Variants in LRRC4C observed in about 807,000 individuals in gnomAD.
The protein encoded by LRRC4C is leucine rich repeat containing 4C.
LRRC4C carries 5 observed loss-of-function variants against 33.6 expected under a neutral mutation model. The ratio of observed to expected loss-of-function variants is 0.15; its 90% CI spans 0.08 to 0.31. The LOEUF is 0.31. LRRC4C is among the 10% of genes least tolerant of loss of function. The probability of loss-of-function intolerance (pLI) is 1.00; values close to 1 mark genes in which losing one functional copy is unlikely to be tolerated. For synonymous variants in LRRC4C, 329 were observed against 302.0 expected, an observed-to-expected ratio of 1.09 and a Z score of -0.93; for missense variants, 560 against 796.7, an observed-to-expected ratio of 0.70 and a Z score of 3.58.
intron 2 of LRRC4C, among the ~76,000 whole-genome samples, chr11:40,798,004 G>A (rs908376013): frequency 2.0e-5 from 3 of 152,116 alleles, no homozygotes; most frequent in East Asian, 1.9e-4. Context: ...GCCAAAAATC[G>A]CAACTAGAGG....
chr11:41,056,884 G>T (rs971173471), intron 1 of LRRC4C, among the ~76,000 whole-genome samples: 1 of 152,258 alleles, frequency 6.6e-6, no homozygotes, highest in Admixed American at 6.5e-5. Flanking sequence ...GGCCAGGGCT[G>T]CTGCATGCTT....
chr11:40,460,721 A>T (rs916610111), intron 3 of LRRC4C, among the ~76,000 whole-genome samples: 1 of 152,170 alleles, frequency 6.6e-6, no homozygotes, highest in African/African-American at 2.4e-5. Flanking sequence ...TGCACCAGAC[A>T]AGATGCTCCA....
At chr11:40,602,193 C>CAAAAAAAAAAAA (rs375091552) in intron 3 of LRRC4C, among the ~76,000 whole-genome samples, 1 of 93,820 alleles carries the variant, frequency 1.1e-5, no homozygotes. Context: ...GAATCTGTCT[C>CAAAAAAAAAAAA]AAAAAAAAAA....
chr11:41,324,030 T>G (rs988796182), intron 1 of LRRC4C, among the ~76,000 whole-genome samples: 2 of 152,202 alleles, frequency 1.3e-5, no homozygotes, highest in Non-Finnish European at 2.9e-5. Context: ...GTGGACCACC[T>G]TTACCAGAAT....
intron 4 of LRRC4C, among the ~76,000 whole-genome samples, chr11:40,250,849 G>A (rs985294275): frequency 3.3e-5 from 5 of 152,164 alleles, no homozygotes; most frequent in Non-Finnish European, 7.3e-5. Context: ...TATTTGGACT[G>A]AAGACCAGAA....
chr11:41,292,755 A>C (rs1304402946), intron 1 of LRRC4C, among the ~76,000 whole-genome samples: 1 of 152,132 alleles, frequency 6.6e-6, no homozygotes, highest in African/African-American at 2.4e-5. Flanking sequence ...TTTGGATCAT[A>C]ATAAAATTCA....
chr11:41,348,585 G>A (rs898662456), intron 1 of LRRC4C, among the ~76,000 whole-genome samples: 1 of 151,668 alleles, frequency 6.6e-6, no homozygotes, highest in Admixed American at 6.6e-5. Flanking sequence ...CAGGAAGAGC[G>A]TCTCCCAGCA....
intron 3 of LRRC4C, among the ~76,000 whole-genome samples, chr11:40,634,220 T>C (rs1385285832): frequency 6.6e-6 from 1 of 152,232 alleles, no homozygotes; most frequent in African/African-American, 2.4e-5. Context: ...TCAATAATGA[T>C]TCCTAATTCT....
chr11:41,247,054 A>G (rs1454759568), intron 1 of LRRC4C, among the ~76,000 whole-genome samples: 2 of 152,236 alleles, frequency 1.3e-5, no homozygotes, highest in African/African-American at 4.8e-5. Flanking sequence ...CCTTCATTTC[A>G]GCTGAAGTGC....
At chr11:40,305,878 A>G (rs1945004104) in intron 4 of LRRC4C, among the ~76,000 whole-genome samples, 1 of 152,210 alleles carries the variant, frequency 6.6e-6, no homozygotes, top group Non-Finnish European at 1.5e-5. Flanking sequence ...TCCAATAAGC[A>G]CTCAATTATT....
chr11:40,884,631 A>G (rs1000943945), intron 2 of LRRC4C, among the ~76,000 whole-genome samples: 4 of 152,124 alleles, frequency 2.6e-5, no homozygotes, highest in African/African-American at 9.7e-5. Flanking sequence ...TTATTACTAT[A>G]CAGTTATTTC....
chr11:41,417,262 TAGG>T (rs1469307235), intron 1 of LRRC4C, among the ~76,000 whole-genome samples: 1 of 152,052 alleles, frequency 6.6e-6, no homozygotes, highest in Non-Finnish European at 1.5e-5. Context: ...TGCAGGATAC[TAGG>T]AGAAGTTGTA....
At chr11:41,132,028 A>G (rs1235803838) in intron 1 of LRRC4C, among the ~76,000 whole-genome samples, 4 of 152,168 alleles carry the variant, frequency 2.6e-5, no homozygotes, top group Non-Finnish European at 5.9e-5. Flanking sequence ...TGCTCTGGCT[A>G]TGCAGTAGGC....
At chr11:41,110,377 A>G (rs575183243) in intron 1 of LRRC4C, among the ~76,000 whole-genome samples, 6 of 152,226 alleles carry the variant, frequency 3.9e-5, no homozygotes, top group African/African-American at 1.4e-4. Context: ...CACATTTTTA[A>G]TTCTCACTAT....
intron 1 of LRRC4C, among the ~76,000 whole-genome samples, chr11:41,047,107 A>G (rs1275834469): frequency 6.6e-6 from 1 of 152,152 alleles, no homozygotes; most frequent in South Asian, 2.1e-4. Flanking sequence ...ATATTTATAA[A>G]TCATATCTCT....
chr11:40,533,561 G>A (rs962927730), intron 3 of LRRC4C, among the ~76,000 whole-genome samples: 2 of 152,112 alleles, frequency 1.3e-5, no homozygotes, highest in Admixed American at 1.3e-4. Flanking sequence ...CTTACTCTCT[G>A]TGCTGCCCTC....
chr11:40,686,782 T>G (rs1386844519), intron 2 of LRRC4C, among the ~76,000 whole-genome samples: 1 of 152,130 alleles, frequency 6.6e-6, no homozygotes, highest in Non-Finnish European at 1.5e-5. Context: ...ATAACCATAT[T>G]ATAGGGTACA....
At chr11:40,285,907 G>A (rs1422050427) in intron 4 of LRRC4C, among the ~76,000 whole-genome samples, 2 of 152,044 alleles carry the variant, frequency 1.3e-5, no homozygotes, top group African/African-American at 2.4e-5. Flanking sequence ...CCATTTAGTT[G>A]CTATACAACC....
intron 1 of LRRC4C, among the ~76,000 whole-genome samples, chr11:41,358,213 T>A (rs11036368): frequency 6.6e-6 from 1 of 151,908 alleles, no homozygotes; most frequent in South Asian, 2.1e-4. Context: ...AAAAAATAAA[T>A]CTATACACAG....
Sources: allele counts gnomAD v4.1 joint callset (sites outside exome capture counted in the v4.1 genomes callset), GRCh38; gene constraint gnomAD v4.1.1; transcripts MANE v1.5; gene names NCBI Gene and HGNC (gene_info 2026-07-23, HGNC 2026-07-21).